Variants in HDAC4 observed in about 807,000 individuals in gnomAD.
HDAC4 encodes histone deacetylase A.
HDAC4 carries 16 observed loss-of-function variants against 135.1 expected under a neutral mutation model. That is an observed-to-expected ratio of 0.12 (90% CI 0.08 to 0.18). The LOEUF (loss-of-function observed/expected upper bound fraction) is 0.18. Ranked by LOEUF, HDAC4 falls within the 10% of genes least tolerant of loss-of-function variation. The pLI is 1.00. For missense variants in HDAC4, 1,143 were observed against 1,511.8 expected, an observed-to-expected ratio of 0.76 and a Z score of 4.05; for synonymous variants, 685 against 653.4, an observed-to-expected ratio of 1.05 and a Z score of -0.74.
chr2:239,053,157 G>A (rs766994856), intron 26 of HDAC4, 21 bp from the exon 27 acceptor site: 18 of 1,613,986 alleles, frequency 1.1e-5, no homozygotes, highest in Non-Finnish European at 4.2e-6. Context: ...CGCAAGAGAA[G>A]GAGATGGGGG....
intron 14 of HDAC4, among the ~76,000 whole-genome samples, chr2:239,110,226 C>G (rs552895204): frequency 4.6e-5 from 7 of 152,198 alleles, no homozygotes; most frequent in Non-Finnish European, 1.0e-4. Flanking sequence ...TACGGGCAAA[C>G]GGCATTTCCT....
intron 16 of HDAC4, among the ~76,000 whole-genome samples, chr2:239,098,572 G>C (rs981565137): frequency 2.6e-5 from 4 of 152,260 alleles, no homozygotes; most frequent in Non-Finnish European, 5.9e-5. Flanking sequence ...GTGACGCCTA[G>C]GGCAGCGGCC....
chr2:239,129,566 A>C (rs1179774289), intron 11 of HDAC4, among the ~76,000 whole-genome samples: 1 of 152,168 alleles, frequency 6.6e-6, no homozygotes, highest in South Asian at 2.1e-4. Context: ...GAGCACTGGC[A>C]GAAGCCCTTC....
chr2:239,327,764 C>T lies in HDAC4; in HGVS notation c.22+24914G>A, dbSNP rs2053512838. Among the ~76,000 whole-genome samples, 6 of 152,144 alleles carry T rather than the reference C, an allele frequency of 3.9e-5. No individual in the cohort carries two copies. The South Asian group carries it at 1.2e-3, about 32-fold the overall frequency. On this transcript the variant is annotated intron_variant, in intron 2 of 26. Transcript: ENST00000543185. ...AGCGTGCCTGTGCCCTGCAGGCCCT[C>T]GGAAACCCAGAGCAAGCCTAGAGAC...
chr2:239,161,870 C>T (rs1160438785), intron 6 of HDAC4: 6 of 370,794 alleles, frequency 1.6e-5, no homozygotes, highest in East Asian at 7.2e-5. Context: ...CGTCCCTCAG[C>T]GCCCTGAGGC....
chr2:239,144,445 T>C, intron 8 of HDAC4, 138 bp downstream of exon 8: 2 of 1,155,308 alleles, frequency 1.7e-6, no homozygotes, highest in East Asian at 2.3e-5. Flanking sequence ...TCCAGCGCCA[T>C]GGGAACAGGA....
chr2:239,052,786 GCTC>G lies in HDAC4; in HGVS notation c.*308_*310del, dbSNP rs2031061402. The G allele has an allele frequency of 2.3e-6, 1 of 426,378 alleles. No homozygotes were observed. Among genetic ancestry groups the G allele is most frequent in the East Asian group, 4.0e-5 (1 of 25,254 alleles). The allele number at this position is 426,378 out of a possible 1,614,324, so 26.4% of individuals were successfully genotyped here. A position where few individuals can be genotyped will look rare whatever the true frequency, so the allele number is the denominator to read the frequency against. ...GCAGCTCGGCCGCCTGTTGCCACAG[GCTC>G]CTTTCTTCCACGGCGTCCCTTGCGG... On this transcript the variant is annotated 3_prime_UTR_variant, in exon 27 of 27. Transcript: ENST00000543185.
chr2:239,156,526 A>C, intron 7 of HDAC4, 126 bp downstream of exon 7: 1 of 1,160,762 alleles, frequency 8.6e-7, no homozygotes, highest in Non-Finnish European at 1.3e-6. Flanking sequence ...GAAAGGAGAA[A>C]ATATTTAAAA....
At position 239,119,895 on chromosome 2, in the gene HDAC4, C is replaced by G. The variant is rs199955711; in HGVS notation, c.1534-4585G>C. ...CAGCAGGGCCGGGCAGAGGCTGGCA[C>G]AGAGGCTGGGTCCAGCGGCAGTGGG... On this transcript the variant is annotated intron_variant, in intron 12 of 26. Coordinates refer to ENST00000543185, the MANE Select transcript of HDAC4 (RefSeq NM_001378414.1). Among the ~76,000 whole-genome samples, 63 of 152,240 alleles carry G rather than the reference C, an allele frequency of 4.1e-4. No individual in the cohort carries two copies. In the East Asian group the frequency reaches 0.012, roughly 28 times the overall value.
Position 239,307,075 on chromosome 2 carries a change from G to A in HDAC4, c.22+45603C>T, listed in dbSNP as rs916007637. Among the ~76,000 whole-genome samples, 6 of 152,180 alleles carry A rather than the reference G, an allele frequency of 3.9e-5. No individual in the cohort carries two copies. The highest frequency in any genetic ancestry group is 8.8e-5 in the Non-Finnish European group (6 of 68,030). ...CATTCAGCACTCTGGTGAGCCCAGA[G>A]GCCCGAGTCGTCCGGATGGCCCATC... On this transcript the variant is annotated intron_variant, in intron 2 of 26. Coordinates refer to ENST00000543185, the MANE Select transcript of HDAC4 (RefSeq NM_001378414.1). This position sits in a 1 kb window ranked among gnomAD's most constrained non-coding sequence, Gnocchi z 4.8.
intron 1 of HDAC4, among the ~76,000 whole-genome samples, chr2:239,369,256 C>T (rs1321643361): frequency 1.3e-5 from 2 of 152,264 alleles, no homozygotes; most frequent in Non-Finnish European, 2.9e-5. Flanking sequence ...CTGAACTGCC[C>T]ACAGTTCTGA....
At chr2:239,096,375 C>CCCT (rs2037048414) in intron 16 of HDAC4, among the ~76,000 whole-genome samples, 5 of 136,898 alleles carry the variant, frequency 3.7e-5, no homozygotes, top group African/African-American at 1.1e-4. Context: ...CTGCAACCCC[C>CCCT]CCCGACACCT....
chr2:239,277,431 A>G (rs2050432816), intron 2 of HDAC4, among the ~76,000 whole-genome samples: 1 of 152,200 alleles, frequency 6.6e-6, no homozygotes, highest in African/African-American at 2.4e-5. Context: ...GCCCTGGGCC[A>G]CCACCCTGGG....
At chr2:239,131,274 A>C (rs1054830280) in intron 11 of HDAC4, among the ~76,000 whole-genome samples, 1 of 152,194 alleles carries the variant, frequency 6.6e-6, no homozygotes. Context: ...TCACCCACAG[A>C]GGCCTCTGTT....
At chr2:239,103,163 C>G (rs1338366908) in intron 15 of HDAC4, among the ~76,000 whole-genome samples, 1 of 152,178 alleles carries the variant, frequency 6.6e-6, no homozygotes, top group Admixed American at 6.5e-5. Flanking sequence ...AATGCATTAC[C>G]CTTCACTGTC....
intron 3 of HDAC4, among the ~76,000 whole-genome samples, chr2:239,217,291 C>G (rs2046696935): frequency 6.6e-6 from 1 of 152,312 alleles, no homozygotes; most frequent in Non-Finnish European, 1.5e-5. Context: ...GCGACCAGAT[C>G]TTCAAACCCA....
intron 2 of HDAC4, among the ~76,000 whole-genome samples, chr2:239,311,267 C>T (rs192842868): frequency 7.0e-4 from 106 of 152,280 alleles, no homozygotes; most frequent in African/African-American, 2.5e-3. Flanking sequence ...CCACGTGTCC[C>T]CTGCTGTGTC....
intron 2 of HDAC4, among the ~76,000 whole-genome samples, chr2:239,238,525 C>T (rs1042977731): frequency 2.0e-5 from 3 of 152,144 alleles, no homozygotes; most frequent in Non-Finnish European, 4.4e-5. Flanking sequence ...GTCAGCTCAA[C>T]GCCCAACCTT....
chr2:239,300,813 G>A (rs1337265238), intron 2 of HDAC4, among the ~76,000 whole-genome samples: 7 of 152,216 alleles, frequency 4.6e-5, no homozygotes, highest in African/African-American at 1.4e-4. Flanking sequence ...TGCACGCTGC[G>A]TGATGGGAGG....
Sources: allele counts gnomAD v4.1 joint callset (sites outside exome capture counted in the v4.1 genomes callset), GRCh38; gene constraint gnomAD v4.1.1; non-coding constraint Gnocchi (gnomAD v3.1); transcripts MANE v1.5; gene names NCBI Gene and HGNC (gene_info 2026-07-23, HGNC 2026-07-21).